The following GART variants were observed in gnomAD, a reference collection of about 807,000 sequenced individuals.
The protein encoded by GART is phosphoribosylglycinamide formyltransferase, phosphoribosylglycinamide synthetase, phosphoribosylaminoimidazole synthetase.
GART carries 43 observed loss-of-function variants against 107.2 expected under a neutral mutation model. The observed-to-expected ratio is 0.40, with a 90% CI of 0.31 to 0.52. The LOEUF is 0.52. Among genes scored for constraint, GART ranks in the 20% least tolerant of loss-of-function variants. The pLI is 0.52. For missense variants in GART, 1,107 were observed against 1,206.5 expected, an observed-to-expected ratio of 0.92 and a Z score of 1.22; for synonymous variants, 434 against 427.0, an observed-to-expected ratio of 1.02 and a Z score of -0.20.
intron 11 of GART, 130 bp from the exon 12 acceptor site, chr21:33,522,412 C>T (rs1012698075): frequency 5.4e-5 from 37 of 680,780 alleles, no homozygotes; most frequent in African/African-American, 3.6e-5. Context: ...TTTTTAAAGT[C>T]AGTGCCTGGG....
intron 1 of GART, among the ~76,000 whole-genome samples, chr21:33,541,336 G>A (rs1353394869): frequency 6.6e-6 from 1 of 152,112 alleles, no homozygotes; most frequent in Non-Finnish European, 1.5e-5. Flanking sequence ...TAGTAGCGAC[G>A]GGGTTTCACT....
chr21:33,531,086 A>C (rs1569030715), intron 6 of GART: 4 of 418,764 alleles, frequency 9.6e-6, no homozygotes, highest in Non-Finnish European at 8.0e-6. Context: ...AAGGATTTGT[A>C]ATTTTTGAGG....
chr21:33,538,387 C>T (rs1180127982), intron 2 of GART, among the ~76,000 whole-genome samples: 1 of 151,712 alleles, frequency 6.6e-6, no homozygotes, highest in African/African-American at 2.4e-5. Context: ...CACCACCATG[C>T]CTGGCTAATT....
At chr21:33,538,275 T>A (rs373319533) in intron 2 of GART, among the ~76,000 whole-genome samples, 7 of 146,274 alleles carry the variant, frequency 4.8e-5, no homozygotes, top group Admixed American at 2.7e-4. Context: ...CAGAGAGAGA[T>A]AAGGGTTGAG....
chr21:33,535,338 A>T lies in GART; in HGVS notation c.146-18T>A. 1 of 1,439,164 alleles carries T rather than the reference A, an allele frequency of 6.9e-7. No homozygotes were observed. The highest frequency in any genetic ancestry group is 9.3e-7 in the Non-Finnish European group (1 of 1,077,950). The allele number at this position is 1,439,164 out of a possible 1,614,324, so 89.1% of individuals were successfully genotyped here. A position where few individuals can be genotyped will look rare whatever the true frequency, so the allele number is the denominator to read the frequency against. On this transcript the variant is annotated intron_variant, in intron 2 of 21. Transcript: ENST00000381815. ...TGAGATGGCTGTAAACAGAAAAAAA[A>T]AAAAAAAAACCACTGCATTTACAAA...
At chr21:33,540,386 CATTT>C (rs2085390097) in intron 1 of GART, among the ~76,000 whole-genome samples, 1 of 152,232 alleles carries the variant, frequency 6.6e-6, no homozygotes, top group Non-Finnish European at 1.5e-5. Flanking sequence ...ACAAAAACCT[CATTT>C]ATTTCCTGTT....
chr21:33,538,879 C>G (rs1380431199), intron 2 of GART, among the ~76,000 whole-genome samples: 1 of 152,116 alleles, frequency 6.6e-6, no homozygotes. Context: ...CCCCTGGGTT[C>G]AAGCCATTCT....
chr21:33,530,636 G>A (rs916997388), intron 7 of GART, 123 bp downstream of exon 7: 2 of 1,007,912 alleles, frequency 2.0e-6, no homozygotes, highest in Non-Finnish European at 2.6e-6. Context: ...TTTAATTGCT[G>A]ATTAGTAACA....
chr21:33,528,779 G>A, intron 8 of GART, 71 bp downstream of exon 8: 2 of 1,186,884 alleles, frequency 1.7e-6, no homozygotes, highest in Non-Finnish European at 2.4e-6. Context: ...AAAAGGGAAT[G>A]GAAAATAAGT....
chr21:33,541,898 T>C (rs1254970911), intron 1 of GART, among the ~76,000 whole-genome samples, 167 bp downstream of exon 1: 1 of 152,140 alleles, frequency 6.6e-6, no homozygotes, highest in East Asian at 1.9e-4. Context: ...AGAAACCAGC[T>C]AACAGTAGCA....
intron 17 of GART, among the ~76,000 whole-genome samples, chr21:33,510,541 A>C (rs533811470): frequency 4.0e-5 from 6 of 151,896 alleles, no homozygotes; most frequent in Admixed American, 3.3e-4. Flanking sequence ...TGAGTTAGCC[A>C]GGATGGTCTT....
At chr21:33,512,898 T>C (rs1015806076) in intron 16 of GART, among the ~76,000 whole-genome samples, 3 of 151,928 alleles carry the variant, frequency 2.0e-5, no homozygotes, top group African/African-American at 7.3e-5. Flanking sequence ...AATCAGTTTT[T>C]TAATACTTTG....
chr21:33,541,889 G>A (rs531202274), intron 1 of GART, among the ~76,000 whole-genome samples, 176 bp downstream of exon 1: 3 of 152,304 alleles, frequency 2.0e-5, no homozygotes, highest in South Asian at 4.1e-4. Context: ...AGAGCAAATA[G>A]AAACCAGCTA....
intron 2 of GART, among the ~76,000 whole-genome samples, chr21:33,536,755 AG>A (rs1203960491): frequency 2.6e-5 from 4 of 152,246 alleles, no homozygotes; most frequent in Non-Finnish European, 4.4e-5. Flanking sequence ...GATAACCAAC[AG>A]GGCTAGTAAG....
intron 4 of GART, among the ~76,000 whole-genome samples, chr21:33,533,448 AAAATAAATAAATAAATAAAAATAAAAAT>A (rs1281227026): frequency 6.7e-6 from 1 of 149,934 alleles, no homozygotes; most frequent in Admixed American, 6.6e-5. Flanking sequence ...CAAAAAAAAA[AAAATAAATAAATAAATAAAAATAAAAAT>A]AAATAAATAA....
At chr21:33,539,130 A>G (rs1485617218) in intron 2 of GART, 41 bp downstream of exon 2, 2 of 1,574,644 alleles carry the variant, frequency 1.3e-6, no homozygotes, top group Non-Finnish European at 1.7e-6. Flanking sequence ...ACCATTAATA[A>G]CAAATAATAA....
chr21:33,505,401 A>T (rs2084660227), intron 20 of GART, among the ~76,000 whole-genome samples, 160 bp downstream of exon 20: 2 of 152,236 alleles, frequency 1.3e-5, no homozygotes, highest in Admixed American at 1.3e-4. Context: ...AAAGGAAATT[A>T]AACTGTGACC....
At chr21:33,536,032 CA>C (rs200189222) in intron 2 of GART, among the ~76,000 whole-genome samples, 92 of 138,314 alleles carry the variant, frequency 6.7e-4, no homozygotes, top group Middle Eastern at 3.6e-3. Flanking sequence ...AACTCTGTCT[CA>C]AAAAAAAAAA....
intron 14 of GART, chr21:33,518,978 C>A: frequency 2.8e-6 from 1 of 361,402 alleles, no homozygotes; most frequent in South Asian, 2.3e-5. Flanking sequence ...TAAACATACT[C>A]ACCCCTTCAA....
Sources: allele counts gnomAD v4.1 joint callset (sites outside exome capture counted in the v4.1 genomes callset), GRCh38; gene constraint gnomAD v4.1.1; transcripts MANE v1.5; gene names NCBI Gene and HGNC (gene_info 2026-07-23, HGNC 2026-07-21).